CPM: variants seen among roughly 807,000 people sequenced by gnomAD.
The protein encoded by CPM is renal carboxypeptidase.
A neutral mutation model predicts 46.4 loss-of-function variants in CPM; 35 were observed. The observed-to-expected ratio is 0.75, with a 90% CI of 0.58 to 1.00. The LOEUF is 1.00. Among genes scored for constraint, CPM ranks in the 50% least tolerant of loss-of-function variants. The pLI is 0.00. For synonymous variants in CPM, 195 were observed against 195.3 expected (o/e 1.00, Z 0.01); for missense variants, 422 against 530.4 (o/e 0.80, Z 2.01).
chr12:68,887,735 AGT>A (rs1159940386), intron 2 of CPM, among the ~76,000 whole-genome samples: 18 of 152,210 alleles, frequency 1.2e-4, no homozygotes, highest in African/African-American at 4.3e-4. Flanking sequence ...CATATACTAG[AGT>A]GTGACATATG....
intron 3 of CPM, among the ~76,000 whole-genome samples, chr12:68,873,812 A>G (rs1885818156): frequency 6.6e-6 from 1 of 151,216 alleles, no homozygotes; most frequent in Non-Finnish European, 1.5e-5. Context: ...CTCTTCCACT[A>G]CCTTTTTTTT....
At chr12:68,860,166 A>G (rs1166357677) in intron 7 of CPM, among the ~76,000 whole-genome samples, 3 of 152,210 alleles carry the variant, frequency 2.0e-5, no homozygotes, top group Non-Finnish European at 4.4e-5. Flanking sequence ...GCCTTTTATT[A>G]TACTTTCTGT....
chr12:68,856,387 A>G lies in CPM; in HGVS notation c.*50T>C, dbSNP rs1486409471. On this transcript the variant is annotated 3_prime_UTR_variant, in exon 9 of 9. Coordinates refer to ENST00000551568, the MANE Select transcript of CPM (RefSeq NM_198320.5). ...GTTAGGGTTGCAGTAACCTGGAGTG[A>G]GCAATCCCTGATTCCAGGTGGTGAT... 2 of 1,584,560 alleles carry G rather than the reference A, an allele frequency of 1.3e-6. No homozygotes were observed. The highest frequency in any genetic ancestry group is 1.7e-5 in the Admixed American group (1 of 58,180).
At chr12:68,900,396 C>T (rs900904238) in intron 2 of CPM, among the ~76,000 whole-genome samples, 14 of 152,086 alleles carry the variant, frequency 9.2e-5, no homozygotes, top group Non-Finnish European at 1.9e-4. Flanking sequence ...CAAATACTGG[C>T]GAGGATGTGG....
In CPM at chr12:68,953,313, C is replaced by A. The variant is rs187697209; in HGVS notation, c.-4+9856G>T. Among the ~76,000 whole-genome samples, 12 of 152,080 alleles carry A rather than the reference C, an allele frequency of 7.9e-5. No homozygotes were observed. In the East Asian group the frequency reaches 2.3e-3, roughly 29 times the overall value. On this transcript the variant is annotated intron_variant, in intron 1 of 8. Coordinates refer to the CPM transcript ENST00000546373. ...TTTCCTTTTGTGGTTAAAAATCTTA[C>A]AGCAGCAGTTCTTTCATATTTCCGT...
intron 3 of CPM, among the ~76,000 whole-genome samples, chr12:68,876,408 C>G (rs770374783): frequency 1.3e-5 from 2 of 152,170 alleles, no homozygotes. Context: ...TAATTCTTCC[C>G]AACCTTAATA....
chr12:68,922,661 C>CA (rs1888086113), intron 2 of CPM, among the ~76,000 whole-genome samples: 1 of 149,950 alleles, frequency 6.7e-6, no homozygotes, highest in Admixed American at 6.7e-5. Context: ...TTAAGCCCTC[C>CA]AGTTGAGCTT....
intron 2 of CPM, among the ~76,000 whole-genome samples, chr12:68,895,677 A>C (rs969428786): frequency 1.3e-5 from 2 of 152,134 alleles, no homozygotes; most frequent in African/African-American, 4.8e-5. Flanking sequence ...GAAGTAAAGA[A>C]ATCTTAGAAA....
intron 2 of CPM, among the ~76,000 whole-genome samples, chr12:68,894,150 T>C (rs954165396): frequency 1.9e-4 from 29 of 152,208 alleles, no homozygotes; most frequent in Admixed American, 1.9e-3. Context: ...TCCTGTGTCA[T>C]CTTTCTTCAC....
intron 2 of CPM, among the ~76,000 whole-genome samples, chr12:68,926,072 A>G (rs1022231302): frequency 6.6e-6 from 1 of 151,916 alleles, no homozygotes; most frequent in Middle Eastern, 3.2e-3. Flanking sequence ...ATATGCCACC[A>G]TGCGCAGCTA....
At chr12:68,943,881 A>T (rs574404900) in intron 1 of CPM, among the ~76,000 whole-genome samples, 89 of 149,542 alleles carry the variant, frequency 6.0e-4, no homozygotes, top group Middle Eastern at 3.4e-3. Flanking sequence ...TTTTTTTTTT[A>T]AAAACTGTAT....
intron 1 of CPM, among the ~76,000 whole-genome samples, chr12:68,952,475 G>A (rs1446918870): frequency 6.6e-6 from 1 of 152,188 alleles, no homozygotes; most frequent in African/African-American, 2.4e-5. Flanking sequence ...GTGGGACCCA[G>A]TGCAAAATGA....
intron 2 of CPM, among the ~76,000 whole-genome samples, chr12:68,902,867 G>C (rs904956017): frequency 6.6e-6 from 1 of 152,110 alleles, no homozygotes; most frequent in Non-Finnish European, 1.5e-5. Flanking sequence ...ACCTTTTTTA[G>C]AATAAAGAAC....
rs374928992 is a variant in CPM at position 68,869,392 on chromosome 12, G to A, written c.720C>T (p.Asp240=). The A allele has an allele frequency of 8.1e-5, 130 of 1,613,946 alleles. No individual in the cohort carries two copies. The highest frequency in any genetic ancestry group is 2.6e-4 in the South Asian group (24 of 91,068). The change falls in exon 6 of 9, where the codon GAC becomes GAT. Residue 240 remains aspartate, a synonymous_variant. Coordinates refer to ENST00000551568, the MANE Select transcript of CPM (RefSeq NM_198320.5). The part of the protein sequence containing the change: ...ASRNPNMKKG[D]ECKNKMNFPN... Reference sequence around the variant, plus strand: ...GAAAGTTCATTTTGTTTTTACACTCGTCTCCTTTCTTCATGTTGGGATTTC... The same window carrying A: ...GAAAGTTCATTTTGTTTTTACACTCATCTCCTTTCTTCATGTTGGGATTTC...
At chr12:68,898,529 G>A (rs1886980194) in intron 2 of CPM, among the ~76,000 whole-genome samples, 1 of 152,154 alleles carries the variant, frequency 6.6e-6, no homozygotes, top group Non-Finnish European at 1.5e-5. Flanking sequence ...GGAACATTTG[G>A]TGGATTAACA....
At chr12:68,906,725 C>G (rs546466922) in intron 2 of CPM, among the ~76,000 whole-genome samples, 2 of 152,236 alleles carry the variant, frequency 1.3e-5, no homozygotes, top group Admixed American at 1.3e-4. Flanking sequence ...TCAAATGATC[C>G]GCCCGCCTCA....
rs112584632 is a variant in CPM at position 68,843,698 on chromosome 12, ACTCT to A, written c.534-1373_534-1370del. The A allele has an allele frequency of 3.1e-3, 668 of 212,108 alleles. 1 individual carries two copies. The highest frequency in any genetic ancestry group is 4.5e-3 in the Non-Finnish European group (476 of 104,996). The allele number at this position is 212,108 out of a possible 1,614,324, so 13.1% of individuals were successfully genotyped here. ...ACTAATGGTACATTGTTGCTTCAAA[ACTCT>A]CTCTCTCTCTCTCTGTCTGTCTCAA... On this transcript the variant is annotated intron_variant, in intron 5 of 5. Coordinates refer to the CPM transcript ENST00000551897.
Position 68,877,908 on chromosome 12 carries a change from G to C in CPM, c.259-5952C>G, listed in dbSNP as rs534714580. Among the ~76,000 whole-genome samples, 6 of 152,270 alleles carry C rather than the reference G, an allele frequency of 3.9e-5. No homozygotes were observed. The South Asian group carries it at 1.2e-3, about 32-fold the overall frequency. ...AAATACCCCCTAAGTAAAACATTTAGACATGCAAACTACATCTCATCAACT... is the reference window on the plus strand; with the variant it reads ...AAATACCCCCTAAGTAAAACATTTACACATGCAAACTACATCTCATCAACT... On this transcript the variant is annotated intron_variant, in intron 3 of 8. Coordinates refer to ENST00000551568, the MANE Select transcript of CPM (RefSeq NM_198320.5).
chr12:68,957,208 T>A (rs900372869), intron 1 of CPM, among the ~76,000 whole-genome samples: 1 of 152,076 alleles, frequency 6.6e-6, no homozygotes. Flanking sequence ...GAGGAGAGCA[T>A]CATTTTGTGT....
Sources: gnomAD v4.1 joint callset for allele counts (sites outside exome capture counted in the v4.1 genomes callset) on GRCh38, gnomAD v4.1.1 for gene constraint, MANE v1.5 for transcripts, NCBI Gene and HGNC (gene_info 2026-07-23, HGNC 2026-07-21) for gene names.